Variants in NLRP11 observed in about 807,000 individuals in gnomAD.
NLRP11 encodes NACHT, LRR and PYD domains-containing protein 11.
In NLRP11, 53 loss-of-function variants were observed where a neutral mutation model predicts 79.3. The ratio of observed to expected loss-of-function variants is 0.67; its 90% confidence interval spans 0.54 to 0.84. The LOEUF is 0.84. Among genes scored for constraint, NLRP11 ranks in the 40% least tolerant of loss-of-function variants. The pLI, the probability that NLRP11 is intolerant of heterozygous loss-of-function variation, is 0.00. For synonymous variants in NLRP11, 518 were observed against 462.6 expected (o/e 1.12, Z -1.54); for missense variants, 1,264 against 1,255.0 (o/e 1.01, Z -0.11).
At chr19:55,824,590 C>CA (rs1421877781) in intron 1 of NLRP11, among the ~76,000 whole-genome samples, 1 of 118,560 alleles carries the variant, frequency 8.4e-6, no homozygotes, top group Admixed American at 8.5e-5. Flanking sequence ...AAATGGAAAA[C>CA]AAAAAAAGGA....
chr19:55,819,998 T>A (rs1981525846), intron 1 of NLRP11, among the ~76,000 whole-genome samples: 1 of 152,164 alleles, frequency 6.6e-6, no homozygotes, highest in South Asian at 2.1e-4. Flanking sequence ...GATCCCCCAA[T>A]AAAGGGGTAA....
intron 3 of NLRP11, 79 bp from the exon 4 acceptor site, chr19:55,808,093 G>T: frequency 1.1e-6 from 1 of 945,982 alleles, no homozygotes; most frequent in Non-Finnish European, 1.6e-6. Flanking sequence ...ATTAAAGTAT[G>T]TTTTGAGAGT....
chr19:55,817,755 A>C (rs1042334975), intron 2 of NLRP11, 149 bp downstream of exon 2: 2 of 637,984 alleles, frequency 3.1e-6, no homozygotes, highest in African/African-American at 3.7e-5. Context: ...CCAAAGTTTT[A>C]GAAATCACCA....
In NLRP11 at chr19:55,809,415, AAC is replaced by A. The variant is rs1457126411; in HGVS notation, c.1193_1194del (p.Cys398PhefsTer17). The stretch of plus-strand genomic sequence containing the variant: ...AGAAACAGTCCTCCTGCAGCCAGCA[AAC>A]ACAGACGTTTTAGGAGACCTAGGTG... On this transcript the variant is annotated frameshift_variant, in exon 3 of 10. Coordinates refer to ENST00000589093, the Ensembl canonical transcript of NLRP11. LOFTEE classifies it high-confidence loss of function. This position sits in a 1 kb window ranked among gnomAD's most constrained non-coding sequence, Gnocchi z 4.5. The A allele has an allele frequency of 6.2e-7, 1 of 1,614,192 alleles. No individual in the cohort carries two copies. The highest frequency in any genetic ancestry group is 8.5e-7 in the Non-Finnish European group (1 of 1,180,036).
chr19:55,811,650 A>C lies in NLRP11; in HGVS notation c.272-1312T>G, dbSNP rs142942899. Among the ~76,000 whole-genome samples, 977 of 152,212 alleles carry C rather than the reference A, an allele frequency of 6.4e-3. 11 individuals carry two copies. Among genetic ancestry groups the C allele is most frequent in the Non-Finnish European group, 7.5e-3 (512 of 68,016 alleles). The stretch of plus-strand genomic sequence containing the variant: ...CTGGCAGAGACAGGACTTTCTCCTT[A>C]CTGTTTTTATCTATGACGTTTAGTA... On this transcript the variant is annotated intron_variant, in intron 2 of 9. Coordinates refer to ENST00000589093, the Ensembl canonical transcript of NLRP11.
rs1369170500 is a variant in NLRP11 at position 55,809,922 on chromosome 19, C to A, written c.688G>T (p.Asp230Tyr). 6.2e-7 allele frequency: 1 copy of A among 1,614,116 alleles called. No homozygotes were observed. Among genetic ancestry groups the A allele is most frequent in the Non-Finnish European group, 8.5e-7 (1 of 1,179,972 alleles). ...AACTCGAATCTTATGTTGTCCAAGT[C>A]CTCGAGGATGAAAAGGAGTTTCTTG... Residue 230 changes from aspartate (D) to tyrosine (Y), a missense_variant, in exon 3 of 10, where the codon GAC becomes TAC. By Grantham distance (160) the Asp-to-Tyr change is radical (BLOSUM62 -3). Coordinates refer to ENST00000589093, the Ensembl canonical transcript of NLRP11. This position sits in a 1 kb window ranked among gnomAD's most constrained non-coding sequence, Gnocchi z 4.5.
intron 5 of NLRP11, among the ~76,000 whole-genome samples, chr19:55,797,117 C>A (rs1396982775): frequency 6.6e-6 from 1 of 152,040 alleles, no homozygotes; most frequent in African/African-American, 2.4e-5. Context: ...CCCCATGGGA[C>A]CCTATTTTTT....
Position 55,809,327 on chromosome 19 carries a change from G to A in NLRP11, c.1283C>T (p.Ser428Phe), listed in dbSNP as rs867568264. The change falls in exon 3 of 10, where the codon TCT becomes TTT. Residue 428 changes from serine to phenylalanine, a missense_variant. Ser to Phe is a radical substitution (Grantham distance 155). Transcript: ENST00000589093. The surrounding 1 kb of genome is among the most constrained non-coding windows in gnomAD (Gnocchi z 4.5). ...AAGAATATTCGCGGCCTGCAACACA[G>A]AGACATCAGCCTCAGTAAACCCAAC... 25 of 1,614,112 alleles carry A rather than the reference G, an allele frequency of 1.5e-5. No homozygotes were observed. Among genetic ancestry groups the A allele is most frequent in the Non-Finnish European group, 2.1e-5 (25 of 1,179,976 alleles).
At chr19:55,806,433 T>C (rs10405509) in intron 4 of NLRP11, among the ~76,000 whole-genome samples, 23,624 of 152,126 alleles carry the variant, frequency 0.16, 2,300 homozygotes, top group African/African-American at 0.27. Flanking sequence ...ACAAAGATCT[T>C]GGGACAATTC....
intron 4 of NLRP11, among the ~76,000 whole-genome samples, chr19:55,803,439 A>G (rs1372763810): frequency 6.6e-6 from 1 of 152,228 alleles, no homozygotes; most frequent in African/African-American, 2.4e-5. Flanking sequence ...GAACAATTGC[A>G]ACAAAAGCAA....
At chr19:55,829,317 G>A (rs529405359) in intron 1 of NLRP11, among the ~76,000 whole-genome samples, 1 of 151,862 alleles carries the variant, frequency 6.6e-6, no homozygotes, top group South Asian at 2.1e-4. Flanking sequence ...AGTCTGACAA[G>A]GACATGATTA....
chr19:55,796,139 G>A (rs147937428), exon 6 of NLRP11: 12 of 1,613,920 alleles, frequency 7.4e-6, no homozygotes, highest in Admixed American at 5.0e-5. Flanking sequence ...TGTTCATCCC[G>A]TCGCTCCTCA....
chr19:55,798,756 A>G (rs1052584656), intron 5 of NLRP11, among the ~76,000 whole-genome samples: 2 of 147,452 alleles, frequency 1.4e-5, no homozygotes, highest in South Asian at 2.1e-4. Context: ...ACACACTCAC[A>G]CACACACACA....
Position 55,798,576 on chromosome 19 carries a change from G to A in NLRP11, c.2172-2326C>T, listed in dbSNP as rs370073184. Among the ~76,000 whole-genome samples, 36 of 152,244 alleles carry A rather than the reference G, an allele frequency of 2.4e-4. 1 individual carries two copies. Among genetic ancestry groups the A allele is most frequent in the East Asian group, 2.3e-3 (12 of 5,178 alleles). On this transcript the variant is annotated intron_variant, in intron 5 of 9. Transcript: ENST00000589093. The stretch of plus-strand genomic sequence containing the variant: ...ATCTATGAGGTACTAGGCTTAGTAC[G>A]TGGGTGATGAAATAATCTGCACTAA...
chr19:55,807,957 C>G (rs1356935461), exon 4 of NLRP11: 3 of 1,611,882 alleles, frequency 1.9e-6, no homozygotes, highest in Non-Finnish European at 2.5e-6. Flanking sequence ...CCCGGAGGCT[C>G]TCCATTGTAT....
rs1007626468 is a variant in NLRP11, at chr19:55,817,782, T to C, written c.271+122A>G. ...AAATCACCACTAAAGAACTTACTCA[T>C]GTACTCAAATACCACCTGCTTCCCA... On this transcript the variant is annotated intron_variant, in intron 2 of 9. Transcript: ENST00000589093. The C allele has an allele frequency of 4.9e-4, 371 of 749,894 alleles. 2 individuals carry two copies. The highest frequency in any genetic ancestry group is 5.4e-4 in the Non-Finnish European group (248 of 463,002). The allele number at this position is 749,894 out of a possible 1,614,324, so 46.5% of individuals were successfully genotyped here.
chr19:55,794,806 T>C (rs1039695237), intron 6 of NLRP11, among the ~76,000 whole-genome samples: 2 of 152,060 alleles, frequency 1.3e-5, no homozygotes, highest in Non-Finnish European at 2.9e-5. Flanking sequence ...TATTACATAA[T>C]ATGAACAGGA....
chr19:55,785,539 A>AC, exon 10 of NLRP11: 25 of 1,224,344 alleles, frequency 2.0e-5, no homozygotes, highest in Middle Eastern at 2.4e-4. Context: ...ACACACACAC[A>AC]TCAAATAGGA....
intron 9 of NLRP11, among the ~76,000 whole-genome samples, chr19:55,788,412 C>A (rs78369065): frequency 0.016 from 2,393 of 146,532 alleles, 20 homozygotes; most frequent in Middle Eastern, 0.066. Flanking sequence ...TTCTCATCAT[C>A]ATCTTATAGG....
Sources: allele counts gnomAD v4.1 joint callset (sites outside exome capture counted in the v4.1 genomes callset), GRCh38; gene constraint gnomAD v4.1.1; non-coding constraint Gnocchi (gnomAD v3.1); transcripts MANE v1.5; gene names NCBI Gene and HGNC (gene_info 2026-07-23, HGNC 2026-07-21).